Variants in KCNIP4 observed in about 807,000 individuals in gnomAD.
The protein encoded by KCNIP4 is potassium voltage-gated channel interacting protein 4.
In KCNIP4, 12 loss-of-function variants were observed where a neutral mutation model predicts 34.0. The observed-to-expected ratio is 0.35, with a 90% CI of 0.23 to 0.57. The LOEUF (loss-of-function observed/expected upper bound fraction) is 0.57, where lower values mean the gene tolerates loss of function less well. KCNIP4 is among the 20% of genes least tolerant of loss of function. The pLI, the probability that KCNIP4 is intolerant of heterozygous loss-of-function variation, is 0.83. For missense variants in KCNIP4, 238 were observed against 311.7 expected (o/e 0.76, Z 1.78); for synonymous variants, 124 against 102.2 (o/e 1.21, Z -1.29).
chr4:20,818,452 T>A (rs1560487928), intron 3 of KCNIP4, among the ~76,000 whole-genome samples: 1 of 152,228 alleles, frequency 6.6e-6, no homozygotes, highest in Non-Finnish European at 1.5e-5. Flanking sequence ...AGCAGCCGAC[T>A]CTAGCCCTTG....
In KCNIP4 at chr4:20,729,078, T is replaced by A. The variant is rs948547392; in HGVS notation, c.*1004A>T. The A allele has an allele frequency of 6.6e-6, 1 of 152,440 alleles. No homozygotes were observed. The highest frequency in any genetic ancestry group is 1.5e-5 in the Non-Finnish European group (1 of 68,002). The allele number at this position is 152,440 out of a possible 1,614,324, so 9.4% of individuals were successfully genotyped here. A position where few individuals can be genotyped will look rare whatever the true frequency, so the allele number is the denominator to read the frequency against. ...TTGCTTGCTAATTTTGCTTGCTGTT[T>A]GTTCTTAGTAGACAGTGGGGTAGTC... On this transcript the variant is annotated 3_prime_UTR_variant, in exon 9 of 9. Transcript: ENST00000382152.
chr4:21,290,221 T>C (rs1181991854), intron 1 of KCNIP4, among the ~76,000 whole-genome samples: 3 of 152,186 alleles, frequency 2.0e-5, no homozygotes, highest in Non-Finnish European at 1.5e-5. Context: ...AATTCTCTTA[T>C]TTTTAAAGAT....
intron 4 of KCNIP4, among the ~76,000 whole-genome samples, chr4:20,757,826 G>A (rs1344882131): frequency 6.6e-6 from 1 of 152,174 alleles, no homozygotes; most frequent in Non-Finnish European, 1.5e-5. Context: ...GCCAGGGACA[G>A]GCACATATTA....
intron 1 of KCNIP4, among the ~76,000 whole-genome samples, chr4:21,107,030 T>G (rs969672256): frequency 2.7e-5 from 4 of 148,814 alleles, no homozygotes; most frequent in African/African-American, 1.0e-4. Flanking sequence ...ATGTGGTCAA[T>G]TTTGGAATAG....
intron 1 of KCNIP4, among the ~76,000 whole-genome samples, chr4:21,771,958 T>C (rs1050326895): frequency 1.3e-5 from 2 of 152,190 alleles, no homozygotes; most frequent in African/African-American, 2.4e-5. Context: ...TCCAATACTA[T>C]GTTGAATAGG....
At chr4:20,818,920 CTTTTTT>C (rs11382765) in intron 3 of KCNIP4, among the ~76,000 whole-genome samples, 17 of 104,954 alleles carry the variant, frequency 1.6e-4, no homozygotes, top group Admixed American at 1.1e-3. Flanking sequence ...TATATTATCT[CTTTTTT>C]TTTTTTTTTT....
At chr4:20,954,793 A>G (rs1432864127) in intron 1 of KCNIP4, among the ~76,000 whole-genome samples, 2 of 152,156 alleles carry the variant, frequency 1.3e-5, no homozygotes, top group African/African-American at 4.8e-5. Flanking sequence ...CTGGCAAGAT[A>G]AAGTCTATTT....
intron 3 of KCNIP4, among the ~76,000 whole-genome samples, chr4:20,788,796 C>A (rs1234596137): frequency 6.6e-6 from 1 of 151,948 alleles, no homozygotes; most frequent in African/African-American, 2.4e-5. Context: ...TCAGAGCAAA[C>A]AAAAATGGAA....
chr4:20,740,275 A>G (rs371844612), intron 5 of KCNIP4, among the ~76,000 whole-genome samples: 1 of 152,120 alleles, frequency 6.6e-6, no homozygotes. Context: ...CAAGACACAT[A>G]AATTGTCAGA....
chr4:21,791,573 G>A (rs751104293), intron 1 of KCNIP4, among the ~76,000 whole-genome samples: 17 of 152,064 alleles, frequency 1.1e-4, no homozygotes, highest in Non-Finnish European at 1.5e-4. Context: ...AAACACAACC[G>A]CGGGACTCAC....
chr4:21,823,091 A>G (rs542572702), intron 1 of KCNIP4, among the ~76,000 whole-genome samples: 2 of 152,236 alleles, frequency 1.3e-5, no homozygotes, highest in Non-Finnish European at 2.9e-5. Context: ...AATTATTTAG[A>G]TACAGCATGC....
At chr4:21,380,451 GA>G (rs1721382632) in intron 1 of KCNIP4, among the ~76,000 whole-genome samples, 2 of 135,442 alleles carry the variant, frequency 1.5e-5, no homozygotes, top group Non-Finnish European at 3.4e-5. Context: ...GAGGGAGAGG[GA>G]GAGGGGGAGA....
rs1199688712 is a variant in KCNIP4, at chr4:20,829,710, G to C, written c.288+20833C>G. ...TTGATAATCACTAGCTTGAACCACT[G>C]CGATAAGTTTGAAGCTGATTTAATA... On this transcript the variant is annotated intron_variant, in intron 3 of 8. Transcript: ENST00000382152. Among the ~76,000 whole-genome samples, 4 of 152,176 alleles carry C rather than the reference G, an allele frequency of 2.6e-5. No individual in the cohort carries two copies. In the East Asian group the frequency reaches 5.8e-4, roughly 22 times the overall value.
At chr4:20,877,218 C>T (rs2149517566) in intron 2 of KCNIP4, among the ~76,000 whole-genome samples, 1 of 152,250 alleles carries the variant, frequency 6.6e-6, no homozygotes, top group East Asian at 1.9e-4. Context: ...GACCAGAGCC[C>T]TTTTTTATTG....
chr4:21,748,931 A>G (rs540955459), intron 1 of KCNIP4, among the ~76,000 whole-genome samples: 1 of 152,278 alleles, frequency 6.6e-6, no homozygotes, highest in African/African-American at 2.4e-5. Flanking sequence ...AAGAAAACTG[A>G]CTGCTGTTAT....
At chr4:21,007,275 C>T (rs1449077896) in intron 1 of KCNIP4, among the ~76,000 whole-genome samples, 1 of 152,082 alleles carries the variant, frequency 6.6e-6, no homozygotes, top group African/African-American at 2.4e-5. Context: ...GCCTGAGACA[C>T]CGTATATGGC....
chr4:21,823,453 A>T (rs1722489172), intron 1 of KCNIP4, among the ~76,000 whole-genome samples: 1 of 151,962 alleles, frequency 6.6e-6, no homozygotes, highest in African/African-American at 2.4e-5. Context: ...CAAGCTTTCA[A>T]CAGCTGCATT....
At chr4:21,536,976 A>G (rs1457641061) in intron 1 of KCNIP4, among the ~76,000 whole-genome samples, 3 of 152,186 alleles carry the variant, frequency 2.0e-5, no homozygotes, top group Non-Finnish European at 4.4e-5. Flanking sequence ...AAACAGGCCA[A>G]ATAATTTCTA....
chr4:21,050,883 T>C (rs544291630), intron 1 of KCNIP4, among the ~76,000 whole-genome samples: 2 of 152,222 alleles, frequency 1.3e-5, no homozygotes, highest in South Asian at 4.1e-4. Context: ...CTGTTCTCTG[T>C]ATTTTAGTTT....
Sources: allele counts gnomAD v4.1 joint callset (sites outside exome capture counted in the v4.1 genomes callset), GRCh38; gene constraint gnomAD v4.1.1; transcripts MANE v1.5; gene names NCBI Gene and HGNC (gene_info 2026-07-23, HGNC 2026-07-21).